The following ADNP variants were observed in gnomAD, a reference collection of about 807,000 sequenced individuals.
ADNP encodes the protein activity-dependent neuroprotector homeobox protein.
A neutral mutation model predicts 84.9 loss-of-function variants in ADNP; 4 were observed. The observed-to-expected ratio is 0.05, with a 90% CI of 0.02 to 0.11. The LOEUF is 0.11. ADNP is among the 10% of genes least tolerant of loss of function. ADNP has a pLI of 1.00. For missense variants in ADNP, 1,132 were observed against 1,326.0 expected (o/e 0.85, Z 2.27); for synonymous variants, 554 against 468.1 (o/e 1.18, Z -2.37).
intron 2 of ADNP, among the ~76,000 whole-genome samples, chr20:50,922,862 G>C: frequency 6.6e-6 from 1 of 152,012 alleles, no homozygotes; most frequent in East Asian, 1.9e-4. Context: ...GATTACAGGC[G>C]TGAGCCACCG....
Position 50,894,261 on chromosome 20 carries a change from G to T in ADNP, c.453C>A (p.Gly151=), listed in dbSNP as rs2122763609. Reference sequence around the variant, plus strand: ...CACTGTCAGCCTGCTTAGGTTTAAGGCCATCATTTTTGTTTTTATCTTTGA... The same window carrying T: ...CACTGTCAGCCTGCTTAGGTTTAAGTCCATCATTTTTGTTTTTATCTTTGA... ...STFKDKNKND[G]LKPKQADSVE... is the part of the protein sequence containing the mutation. The change falls in exon 6 of 6, where the codon GGC becomes GGA. Residue 151 remains glycine, a synonymous_variant. Coordinates refer to ENST00000621696, the MANE Select transcript of ADNP (RefSeq NM_001282531.3). 3.1e-6 allele frequency: 5 copies of T among 1,613,952 alleles called. No individual in the cohort carries two copies. In the East Asian group the frequency reaches 1.1e-4, roughly 36 times the overall value.
In ADNP at chr20:50,892,812, G is replaced by A; in HGVS notation, c.1902C>T (p.Pro634=). ...CPLCFSILKG[P]ISDALAHHLR... is the part of the protein sequence containing the mutation. ...AGTGATGTGCAAGTGCATCAGATATGGGTCCTTTTAGGATTGAAAAGCAAA... is the reference window on the plus strand; with the variant it reads ...AGTGATGTGCAAGTGCATCAGATATAGGTCCTTTTAGGATTGAAAAGCAAA... The change falls in exon 6 of 6, where the codon CCC becomes CCT. Residue 634 remains proline (P), a synonymous_variant. Transcript: ENST00000621696. The A allele has an allele frequency of 1.2e-6, 2 of 1,614,196 alleles. No homozygotes were observed. The highest frequency in any genetic ancestry group is 8.5e-7 in the Non-Finnish European group (1 of 1,180,044).
intron 2 of ADNP, among the ~76,000 whole-genome samples, chr20:50,925,728 C>T (rs1984245507): frequency 6.6e-6 from 1 of 152,222 alleles, no homozygotes; most frequent in Admixed American, 6.5e-5. Flanking sequence ...AAACTAACAA[C>T]ATAGAAGGTG....
chr20:50,889,945 C>T lies in ADNP; in HGVS notation c.*1460G>A, dbSNP rs191245137. ...GTTCCCATCGTAAGGTGAAAACGAACGTTTAACTTCATCTAGAAGAAAAAA... is the reference window on the plus strand; with the variant it reads ...GTTCCCATCGTAAGGTGAAAACGAATGTTTAACTTCATCTAGAAGAAAAAA... On this transcript the variant is annotated 3_prime_UTR_variant, in exon 6 of 6. Coordinates refer to ENST00000621696, the MANE Select transcript of ADNP (RefSeq NM_001282531.3). The T allele has an allele frequency of 2.6e-5, 10 of 386,320 alleles. No homozygotes were observed. Among genetic ancestry groups the T allele is most frequent in the East Asian group, 1.4e-4 (4 of 27,882 alleles). The allele number at this position is 386,320 out of a possible 1,614,324, so 23.9% of individuals were successfully genotyped here.
rs778969303 is a variant in ADNP, at chr20:50,892,045, C to T, written c.2669G>A (p.Gly890Asp). Residue 890 changes from glycine (G) to aspartate (D), a missense_variant, in exon 6 of 6, where the codon GGT becomes GAT. Gly to Asp is a moderately conservative substitution (Grantham distance 94). Transcript: ENST00000621696. ...TTCAAAAACAGGGTCAAAAGGGCTA[C>T]CACTTTCATTGGATTCTTCTTCCAA... ...ENLEEESNES[G>D]SPFDPVFEVE... 2 of 1,614,174 alleles carry T rather than the reference C, an allele frequency of 1.2e-6. No individual in the cohort carries two copies. Among genetic ancestry groups the T allele is most frequent in the Non-Finnish European group, 1.7e-6 (2 of 1,180,026 alleles).
At chr20:50,902,232 A>G (rs1028401044) in intron 4 of ADNP, 123 bp from the exon 5 acceptor site, 3 of 677,160 alleles carry the variant, frequency 4.4e-6, no homozygotes, top group Admixed American at 5.6e-5. Context: ...GTCAACAAGG[A>G]CTTAAACTAG....
chr20:50,890,131 T>TAAAAAAAAAA lies in ADNP; in HGVS notation c.*1264_*1273dup, dbSNP rs150489825. ...AACTCAAGGGTGTTTGTTTTTCAGT[T>TAAAAAAAAAA]AAAAAAAAAAAAAAAAAAAAAAAAA... is the stretch of plus-strand genomic sequence containing the variant. On this transcript the variant is annotated 3_prime_UTR_variant, in exon 6 of 6. Coordinates refer to ENST00000621696, the MANE Select transcript of ADNP (RefSeq NM_001282531.3). The TAAAAAAAAAA allele has an allele frequency of 3.2e-4, 26 of 81,110 alleles. No homozygotes were observed. Among genetic ancestry groups the TAAAAAAAAAA allele is most frequent in the East Asian group, 1.0e-3 (3 of 2,858 alleles). The allele number at this position is 81,110 out of a possible 1,614,324, so 5.0% of individuals were successfully genotyped here.
intron 2 of ADNP, among the ~76,000 whole-genome samples, chr20:50,911,060 C>T (rs139598213): frequency 3.1e-4 from 47 of 152,300 alleles, no homozygotes; most frequent in African/African-American, 1.0e-3. Flanking sequence ...CAAACATTAA[C>T]GTTTTACTAA....
chr20:50,926,415 C>T (rs914699142), intron 2 of ADNP, among the ~76,000 whole-genome samples: 2 of 152,146 alleles, frequency 1.3e-5, no homozygotes, highest in African/African-American at 4.8e-5. Context: ...AATAATGCTT[C>T]TAATGTTGTA....
At chr20:50,907,917 A>T (rs2122872276) in intron 2 of ADNP, among the ~76,000 whole-genome samples, 1 of 152,282 alleles carries the variant, frequency 6.6e-6, no homozygotes, top group South Asian at 2.1e-4. Context: ...TGTTCACATT[A>T]ACTCAGAACA....
At chr20:50,894,820 G>A (rs1438528127) in intron 5 of ADNP, among the ~76,000 whole-genome samples, 1 of 152,136 alleles carries the variant, frequency 6.6e-6, no homozygotes, top group Admixed American at 6.5e-5. Flanking sequence ...ATCGCCTGAA[G>A]CTGGGAGGTG....
intron 2 of ADNP, among the ~76,000 whole-genome samples, chr20:50,922,388 C>G (rs1984011188): frequency 6.6e-6 from 1 of 152,120 alleles, no homozygotes; most frequent in Non-Finnish European, 1.5e-5. Context: ...CCCAAGACCC[C>G]CTCCTTGAGT....
At chr20:50,903,824 A>C in intron 4 of ADNP, 65 bp downstream of exon 4, 2 of 1,239,970 alleles carry the variant, frequency 1.6e-6, no homozygotes, top group South Asian at 2.6e-5. Flanking sequence ...CATCTTGGCC[A>C]CTGACACAAA....
chr20:50,915,800 G>C (rs928105521), intron 2 of ADNP, among the ~76,000 whole-genome samples: 1 of 152,156 alleles, frequency 6.6e-6, no homozygotes, highest in African/African-American at 2.4e-5. Context: ...AGGGGGGTGA[G>C]GGAATTAGAG....
intron 2 of ADNP, among the ~76,000 whole-genome samples, chr20:50,919,304 T>C (rs903702131): frequency 2.2e-5 from 3 of 136,762 alleles, no homozygotes; most frequent in African/African-American, 6.1e-5. Flanking sequence ...TATATATATA[T>C]ATATATATAT....
chr20:50,903,854 G>C, intron 4 of ADNP, 35 bp downstream of exon 4: 1 of 1,493,342 alleles, frequency 6.7e-7, no homozygotes. Flanking sequence ...CAGAAGCTGA[G>C]TCATGTTAAA....
intron 5 of ADNP, among the ~76,000 whole-genome samples, chr20:50,898,415 T>C (rs1324332323): frequency 6.6e-6 from 1 of 152,208 alleles, no homozygotes; most frequent in East Asian, 1.9e-4. Flanking sequence ...CGTGTGCACC[T>C]GTGTCTGCTC....
At chr20:50,917,542 C>T (rs1490141233) in intron 2 of ADNP, among the ~76,000 whole-genome samples, 1 of 152,214 alleles carries the variant, frequency 6.6e-6, no homozygotes, top group Non-Finnish European at 1.5e-5. Context: ...TCCTATGTCT[C>T]CCCTTTATTA....
intron 2 of ADNP, among the ~76,000 whole-genome samples, chr20:50,925,230 A>G (rs887937628): frequency 6.6e-6 from 1 of 151,002 alleles, no homozygotes; most frequent in South Asian, 2.1e-4. Flanking sequence ...GTCACTTTCC[A>G]CAGTTGGCTC....
Sources: allele counts gnomAD v4.1 joint callset (sites outside exome capture counted in the v4.1 genomes callset), GRCh38; gene constraint gnomAD v4.1.1; transcripts MANE v1.5; gene names NCBI Gene and HGNC (gene_info 2026-07-23, HGNC 2026-07-21).